The following APOL2 variants were observed in gnomAD, a reference collection of about 807,000 sequenced individuals.
APOL2 encodes the protein apolipoprotein L2.
APOL2 carries 8 observed loss-of-function variants against 7.1 expected under a neutral mutation model. That is an observed-to-expected ratio of 1.12 (90% confidence interval 0.66 to 2.03). The LOEUF (loss-of-function observed/expected upper bound fraction) is 2.03, where lower values mean the gene tolerates loss of function less well. Ranked by LOEUF, APOL2 falls within the 30% of genes most tolerant of loss-of-function variation. The pLI, the probability that APOL2 is intolerant of heterozygous loss-of-function variation, is 0.00. For synonymous variants in APOL2, 177 were observed against 159.9 expected (o/e 1.11, Z -0.81); for missense variants, 471 against 415.1 (o/e 1.13, Z -1.17).
At chr22:36,237,278 CCTCAG>C (rs1344064658) in intron 1 of APOL2, 8 of 1,360,068 alleles carry the variant, frequency 5.9e-6, no homozygotes, top group Non-Finnish European at 6.7e-6. Flanking sequence ...CTCCCTCCCA[CCTCAG>C]CTCTGAGCCA....
intron 2 of APOL2, 58 bp downstream of exon 2, chr22:36,233,344 A>C: frequency 1.3e-6 from 2 of 1,576,326 alleles, no homozygotes; most frequent in Non-Finnish European, 1.7e-6. Context: ...TGGTAGCAGC[A>C]AATGTCCAGA....
At chr22:36,231,618 GC>G in intron 3 of APOL2, 152 bp from the exon 4 acceptor site, 1 of 962,084 alleles carries the variant, frequency 1.0e-6, no homozygotes, top group Non-Finnish European at 1.5e-6. Context: ...GGGATTGTGT[GC>G]CCCCAAAATT....
intron 1 of APOL2, among the ~76,000 whole-genome samples, chr22:36,236,147 G>T (rs1463216422): frequency 1.3e-5 from 2 of 152,154 alleles, no homozygotes; most frequent in East Asian, 3.8e-4. Flanking sequence ...ACAGTAAATA[G>T]TATTTAAAAC....
chr22:36,227,856 C>G lies in APOL2; in HGVS notation c.562G>C (p.Gly188Arg). 3 of 1,614,176 alleles carry G rather than the reference C, an allele frequency of 1.9e-6. No homozygotes were observed. Among genetic ancestry groups the G allele is most frequent in the Non-Finnish European group, 2.5e-6 (3 of 1,180,036 alleles). ...RAQARNLDQS[G>R]TNVAKVMKEF... ...TTCATCACCTTTGCTACATTGGTGC[C>G]GCTTTGGTCCAAGTTGCGGGCTTGG... The change falls in exon 5 of 5, where the codon GGC (glycine) becomes CGC (arginine). Residue 188 changes from glycine to arginine, a missense_variant. Gly to Arg is a moderately radical substitution (Grantham distance 125). Transcript: ENST00000358502.
intron 1 of APOL2, among the ~76,000 whole-genome samples, chr22:36,238,563 A>G (rs1295644801): frequency 2.6e-5 from 4 of 152,220 alleles, no homozygotes; most frequent in Non-Finnish European, 5.9e-5. Context: ...TTAATAATCC[A>G]ACAGTGTCCA....
intron 4 of APOL2, 136 bp from the exon 5 acceptor site, chr22:36,228,416 T>G (rs142500826): frequency 0.42 from 492,702 of 1,177,168 alleles, 109,254 homozygotes; most frequent in Non-Finnish European, 0.45. Context: ...CAAATGGAAT[T>G]AATTATCTTT....
At position 36,227,600 on chromosome 22, in the gene APOL2, A is replaced by G. The variant is rs752435754; in HGVS notation, c.818T>C (p.Met273Thr). The G allele has an allele frequency of 1.9e-6, 3 of 1,614,210 alleles. No individual in the cohort carries two copies. The highest frequency in any genetic ancestry group is 1.7e-5 in the Admixed American group (1 of 60,030). The stretch of plus-strand genomic sequence containing the variant: ...GCCTCCAGTGGCTGCACCCACGATC[A>G]TGGTTCCTCTGCTCATTGCCTGGGC... Reference protein sequence around the residue: ...GPAQAMSRGTMIVGAATGGIL... With the variant: ...GPAQAMSRGTTIVGAATGGIL... The change falls in exon 5 of 5, where the codon ATG becomes ACG. Residue 273 changes from methionine (M) to threonine (T), a missense_variant. Physicochemically the swap from Met to Thr is moderately conservative, Grantham distance 81. Coordinates refer to ENST00000358502, the MANE Select transcript of APOL2 (RefSeq NM_030882.4).
At chr22:36,236,597 T>C (rs74865964) in intron 1 of APOL2, 1 of 985,352 alleles carries the variant, frequency 1.0e-6, no homozygotes, top group South Asian at 4.7e-5. Flanking sequence ...TTTTCTCACC[T>C]TGTGTCTCTG....
Position 36,227,850 on chromosome 22 carries a change from T to G in APOL2, c.568A>C (p.Asn190His). The change falls in exon 5 of 5, where the codon AAT (asparagine) becomes CAT (histidine). Residue 190 changes from asparagine (N) to histidine (H), a missense_variant. Transcript: ENST00000358502. ...QARNLDQSGTNVAKVMKEFVG... is the reference protein window; with the variant it reads ...QARNLDQSGTHVAKVMKEFVG... ...AACTCCTTCATCACCTTTGCTACATTGGTGCCGCTTTGGTCCAAGTTGCGG... is the reference window on the plus strand; with the variant it reads ...AACTCCTTCATCACCTTTGCTACATGGGTGCCGCTTTGGTCCAAGTTGCGG... 2 of 1,614,230 alleles carry G rather than the reference T, an allele frequency of 1.2e-6. No homozygotes were observed. Among genetic ancestry groups the G allele is most frequent in the Non-Finnish European group, 1.7e-6 (2 of 1,180,042 alleles).
Position 36,227,883 on chromosome 22 carries a change from C to A in APOL2, c.535G>T (p.Ala179Ser). Residue 179 changes from alanine to serine, a missense_variant, in exon 5 of 5, where the codon GCC (alanine) becomes TCC (serine). Coordinates refer to ENST00000358502, the MANE Select transcript of APOL2 (RefSeq NM_030882.4). ...VELVNKLRAR[A>S]QARNLDQSGT... ...CTTTGGTCCAAGTTGCGGGCTTGGG[C>A]TCGTGCCCGCAATTTGTTTACTAGT... 2 of 1,614,262 alleles carry A rather than the reference C, an allele frequency of 1.2e-6. No individual in the cohort carries two copies. Among genetic ancestry groups the A allele is most frequent in the Non-Finnish European group, 1.7e-6 (2 of 1,180,052 alleles).
chr22:36,236,335 A>G lies in APOL2; in HGVS notation c.-133-2880T>C, dbSNP rs191751897. Among the ~76,000 whole-genome samples the G allele has an allele frequency of 3.8e-4, 58 of 152,296 alleles. No individual in the cohort carries two copies. In the Middle Eastern group the frequency reaches 0.02, roughly 54 times the overall value. ...GAGGATTAATATTGTCATCTTTTAA[A>G]GAGGGGAGTCAAGAAATACTAGGTA... is the stretch of plus-strand genomic sequence containing the variant. On this transcript the variant is annotated intron_variant, in intron 1 of 4. Coordinates refer to ENST00000358502, the MANE Select transcript of APOL2 (RefSeq NM_030882.4).
rs1603480126 is a variant in APOL2 at position 36,229,089 on chromosome 22, C to T, written c.138-809G>A. 2.0e-5 allele frequency among the ~76,000 whole-genome samples: 3 copies of T among 152,330 alleles called. No homozygotes were observed. The Middle Eastern group carries it at 0.01, about 518-fold the overall frequency. On this transcript the variant is annotated intron_variant, in intron 4 of 4. Transcript: ENST00000358502. ...GCTTTCTGGACTTGCACCACCTTGG[C>T]TCAGCAAGAATCTCCCCAAATCAGT...
intron 4 of APOL2, among the ~76,000 whole-genome samples, chr22:36,228,691 G>A (rs1028541331): frequency 1.3e-5 from 2 of 152,212 alleles, no homozygotes; most frequent in African/African-American, 4.8e-5. Context: ...TACCCAAAGA[G>A]AGGCCTTCCC....
intron 3 of APOL2, 77 bp from the exon 4 acceptor site, chr22:36,231,543 C>T: frequency 1.3e-6 from 2 of 1,540,726 alleles, no homozygotes; most frequent in Non-Finnish European, 1.8e-6. Flanking sequence ...TAGGTGGTTA[C>T]ATGTTAATTT....
chr22:36,236,518 A>G (rs1265180354), intron 1 of APOL2: 1 of 961,486 alleles, frequency 1.0e-6, no homozygotes, highest in African/African-American at 1.8e-5. Flanking sequence ...TAATGACACT[A>G]TAAGTAATAA....
At chr22:36,236,022 A>G (rs541006616) in intron 1 of APOL2, among the ~76,000 whole-genome samples, 1 of 152,322 alleles carries the variant, frequency 6.6e-6, no homozygotes, top group East Asian at 1.9e-4. Context: ...AAACTGAGGA[A>G]ATGAAGAAGG....
At chr22:36,231,662 A>G (rs1315284869) in intron 3 of APOL2, among the ~76,000 whole-genome samples, 196 bp from the exon 4 acceptor site, 1 of 152,186 alleles carries the variant, frequency 6.6e-6, no homozygotes, top group African/African-American at 2.4e-5. Flanking sequence ...GAGTGACTAT[A>G]TTTGAAGATT....
At chr22:36,232,670 T>A (rs561244220) in intron 3 of APOL2, among the ~76,000 whole-genome samples, 10 of 152,168 alleles carry the variant, frequency 6.6e-5, no homozygotes, top group African/African-American at 2.4e-4. Flanking sequence ...GCATGATACA[T>A]TCCCATAGGG....
At position 36,227,988 on chromosome 22, in the gene APOL2, T is replaced by C. The variant is rs754900353; in HGVS notation, c.430A>G (p.Ile144Val). ...GLGLAPFTEG[I>V]SFVLLDTGMG... ...CCAGTGTCCAAGAGCACAAAACTGA[T>C]TCCTTCTGTGAAGGGTGCCAGACCC... Residue 144 changes from isoleucine to valine, a missense_variant, in exon 5 of 5, where the codon ATC (isoleucine) becomes GTC (valine). By Grantham distance (29) the Ile-to-Val change is conservative (BLOSUM62 3). Transcript: ENST00000358502. 6.2e-7 allele frequency: 1 copy of C among 1,614,182 alleles called. No individual in the cohort carries two copies. The highest frequency in any genetic ancestry group is 1.1e-5 in the South Asian group (1 of 91,090).
Sources: gnomAD v4.1 joint callset for allele counts (sites outside exome capture counted in the v4.1 genomes callset) on GRCh38, gnomAD v4.1.1 for gene constraint, MANE v1.5 for transcripts, NCBI Gene and HGNC (gene_info 2026-07-23, HGNC 2026-07-21) for gene names.